Variants in KCNAB2 observed in about 807,000 individuals in gnomAD.
KCNAB2 encodes voltage-gated potassium channel subunit beta-2.
In KCNAB2, 29 loss-of-function variants were observed where a neutral mutation model predicts 63.6. The observed-to-expected ratio is 0.46, with a 90% CI of 0.34 to 0.62. KCNAB2 has a LOEUF of 0.62. KCNAB2 is among the 20% of genes least tolerant of loss of function. The pLI, the probability that KCNAB2 is intolerant of heterozygous loss-of-function variation, is 0.01. For synonymous variants in KCNAB2, 222 were observed against 224.2 expected, an observed-to-expected ratio of 0.99 and a Z score of 0.09; for missense variants, 359 against 563.9, an observed-to-expected ratio of 0.64 and a Z score of 3.68.
In KCNAB2 at chr1:6,057,883, G is replaced by T. The variant is rs116569238; in HGVS notation, c.218+6129G>T. On this transcript the variant is annotated intron_variant, in intron 2 of 15. Transcript: ENST00000378083. ...ACACCAGTCATGGCCAGGCACAGTGGCTCATGCTTATAATCCCAGCATCTT... is the reference window on the plus strand; with the variant it reads ...ACACCAGTCATGGCCAGGCACAGTGTCTCATGCTTATAATCCCAGCATCTT... Among the ~76,000 whole-genome samples the T allele has an allele frequency of 2.1e-3, 325 of 152,276 alleles. 2 individuals carry two copies. Among genetic ancestry groups the T allele is most frequent in the African/African-American group, 7.3e-3 (305 of 41,540 alleles).
intron 1 of KCNAB2, among the ~76,000 whole-genome samples, chr1:6,013,818 C>A (rs1004354863): frequency 1.3e-5 from 2 of 152,160 alleles, no homozygotes; most frequent in South Asian, 2.1e-4. Context: ...CTGCCCGGGC[C>A]CCCCCAGCAG....
At chr1:5,992,772 G>C (rs1044338367) in exon 1 of KCNAB2, 1 of 152,170 alleles carries the variant, frequency 6.6e-6, no homozygotes, top group African/African-American at 2.4e-5. Flanking sequence ...CACAGGATCC[G>C]GAGCTGGAGC....
intron 1 of KCNAB2, among the ~76,000 whole-genome samples, chr1:6,047,801 C>A (rs1336491829): frequency 6.6e-6 from 1 of 152,208 alleles, no homozygotes; most frequent in Non-Finnish European, 1.5e-5. Context: ...GCCATGGGCT[C>A]CTCATGGCAC....
At position 6,009,876 on chromosome 1, in the gene KCNAB2, T is replaced by C. The variant is rs571291542; in HGVS notation, c.-53+17088T>C. Among the ~76,000 whole-genome samples, 796 of 149,212 alleles carry C rather than the reference T, an allele frequency of 5.3e-3. 7 individuals carry two copies. Among genetic ancestry groups the C allele is most frequent in the African/African-American group, 0.018 (724 of 41,134 alleles). On this transcript the variant is annotated intron_variant, in intron 1 of 16. Transcript: ENST00000341524. Reference sequence around the variant, plus strand: ...GTGCTATTTCTTTTCTTTTTTTCTTTTTTTTTTTTTTTCCGACAGGGTCTC... The same window carrying C: ...GTGCTATTTCTTTTCTTTTTTTCTTCTTTTTTTTTTTTCCGACAGGGTCTC...
intron 11 of KCNAB2, among the ~76,000 whole-genome samples, chr1:6,094,926 C>T (rs1419591610): frequency 6.6e-6 from 1 of 152,246 alleles, no homozygotes; most frequent in Non-Finnish European, 1.5e-5. Flanking sequence ...TCCACAGGGA[C>T]CCTCTCACAT....
Position 6,087,335 on chromosome 1 carries a change from C to A in KCNAB2, c.426-132C>A. On this transcript the variant is annotated intron_variant, in intron 6 of 15. Coordinates refer to ENST00000378083, the MANE Select transcript of KCNAB2 (RefSeq NM_001199862.2). The surrounding 1 kb of genome is among the most constrained non-coding windows in gnomAD (Gnocchi z 6.4). Reference sequence around the variant, plus strand: ...ACACATCATATGATGGAGAAGTGCCCATTTCATGCCCCAGGCTCCTGGGTG... The same window carrying A: ...ACACATCATATGATGGAGAAGTGCCAATTTCATGCCCCAGGCTCCTGGGTG... 1.1e-6 allele frequency: 1 copy of A among 945,246 alleles called. No individual in the cohort carries two copies. The highest frequency in any genetic ancestry group is 1.7e-6 in the Non-Finnish European group (1 of 581,678). 58.6% of individuals were successfully genotyped at this position (945,246 alleles called of 1,614,324 possible).
intron 5 of KCNAB2, among the ~76,000 whole-genome samples, chr1:6,084,947 C>T (rs1296328400): frequency 2.0e-5 from 3 of 152,204 alleles, no homozygotes; most frequent in Non-Finnish European, 2.9e-5. Flanking sequence ...GAGCTGGGGC[C>T]GCCACTGCTT....
chr1:6,026,827 G>A (rs1272672683), intron 1 of KCNAB2, among the ~76,000 whole-genome samples: 1 of 152,218 alleles, frequency 6.6e-6, no homozygotes, highest in Non-Finnish European at 1.5e-5. Context: ...CCCTCTGCAG[G>A]GGGCAGGGCT....
chr1:6,068,651 C>T (rs775717922), intron 2 of KCNAB2, among the ~76,000 whole-genome samples: 4 of 152,198 alleles, frequency 2.6e-5, no homozygotes, highest in African/African-American at 7.2e-5. Flanking sequence ...ACCCCCGCCC[C>T]GGGCCTCTCC....
At position 6,070,141 on chromosome 1, in the gene KCNAB2, T is replaced by C. The variant is rs1410674485; in HGVS notation, c.219-2614T>C. Reference sequence around the variant, plus strand: ...GGCCTCCCTTCTCGATGCCCAGACATATCTAGACCAGTGGGGTCCAGGGCT... The same window carrying C: ...GGCCTCCCTTCTCGATGCCCAGACACATCTAGACCAGTGGGGTCCAGGGCT... On this transcript the variant is annotated intron_variant, in intron 2 of 15. Transcript: ENST00000378083. 1.4e-4 allele frequency among the ~76,000 whole-genome samples: 21 copies of C among 152,156 alleles called. 1 individual carries two copies. The highest frequency in any genetic ancestry group is 1.4e-3 in the Admixed American group (21 of 15,278).
At position 6,097,372 on chromosome 1, in the gene KCNAB2, C is replaced by G. The variant is rs1020274564; in HGVS notation, c.1158+15C>G. On this transcript the variant is annotated intron_variant, in intron 15 of 15. Transcript: ENST00000378083. ...GGGCAATACAGGTAAGAGTGAGAGG[C>G]CCTGCTGGGCAGAGGGCCCATCCCA... 2.6e-6 allele frequency: 4 copies of G among 1,550,736 alleles called. No homozygotes were observed. The highest frequency in any genetic ancestry group is 3.5e-6 in the Non-Finnish European group (4 of 1,147,132).
chr1:6,053,907 G>C (rs1661590997), intron 2 of KCNAB2, among the ~76,000 whole-genome samples: 1 of 151,974 alleles, frequency 6.6e-6, no homozygotes, highest in Non-Finnish European at 1.5e-5. Context: ...GCCAGGCATG[G>C]TGACACATGC....
intron 1 of KCNAB2, among the ~76,000 whole-genome samples, chr1:6,015,016 CTTTTTTTTT>C (rs34742623): frequency 0.064 from 5,303 of 82,864 alleles, 117 homozygotes; most frequent in South Asian, 0.16. Flanking sequence ...GGTCACCTTC[CTTTTTTTTT>C]TTTTTTTTTT....
rs1660917047 is a variant in KCNAB2 at position 6,046,284 on chromosome 1, G to C, written c.-27+101G>C. On this transcript the variant is annotated intron_variant, in intron 1 of 15. Coordinates refer to ENST00000378083, the MANE Select transcript of KCNAB2 (RefSeq NM_001199862.2). The stretch of plus-strand genomic sequence containing the variant: ...AACAGAGGAGACCATATTTTGGGGT[G>C]GTTTTGTCTGATCCGGAATTAGACC... The C allele has an allele frequency of 3.6e-6, 3 of 833,976 alleles. No homozygotes were observed. The South Asian group carries it at 1.6e-4, about 46-fold the overall frequency. 51.7% of individuals were successfully genotyped at this position (833,976 alleles called of 1,614,324 possible).
At chr1:6,027,153 C>T (rs1490742470) in intron 1 of KCNAB2, 1 of 152,988 alleles carries the variant, frequency 6.5e-6, no homozygotes, top group African/African-American at 2.4e-5. Flanking sequence ...TCCATTTCCC[C>T]TGGGCAGGAT....
intron 10 of KCNAB2, among the ~76,000 whole-genome samples, chr1:6,093,286 C>T (rs1248353151): frequency 1.3e-5 from 2 of 152,238 alleles, no homozygotes; most frequent in South Asian, 2.1e-4. Flanking sequence ...CTGCCTTTGG[C>T]GGTCGAACTT....
rs1199949241 is a variant in KCNAB2 at position 6,074,519 on chromosome 1, T to C, written c.300+749T>C. 6.6e-6 allele frequency among the ~76,000 whole-genome samples: 1 copy of C among 152,244 alleles called. No homozygotes were observed. ...GAAGCAGTTTTCACATTTATCCTAC[T>C]TAGCACTAGAAAGGTTGCGTTTAAA... On this transcript the variant is annotated intron_variant, in intron 4 of 15. Transcript: ENST00000378083. The surrounding 1 kb of genome is among the most constrained non-coding windows in gnomAD (Gnocchi z 4.9).
rs1197980079 is a variant in KCNAB2 at position 6,100,033 on chromosome 1, CTGTGTCTCCTG to C, written c.*1460_*1470del. On this transcript the variant is annotated 3_prime_UTR_variant, in exon 16 of 16. Transcript: ENST00000378083. ...TCGCCAGCTAGCTCCATAGGGAAGC[CTGTGTCTCCTG>C]CCCCCAGGGCGCACCCTCAGTGCAG... is the stretch of plus-strand genomic sequence containing the variant. 1 of 1,519,286 alleles carries C rather than the reference CTGTGTCTCCTG, an allele frequency of 6.6e-7. No individual in the cohort carries two copies. The highest frequency in any genetic ancestry group is 8.8e-7 in the Non-Finnish European group (1 of 1,131,324). 94.1% of individuals were successfully genotyped at this position (1,519,286 alleles called of 1,614,324 possible).
At chr1:5,999,774 C>T (rs1657132611) in intron 1 of KCNAB2, among the ~76,000 whole-genome samples, 1 of 152,104 alleles carries the variant, frequency 6.6e-6, no homozygotes. Flanking sequence ...CTGTCACCTG[C>T]CTGTGCCCTG....
Sources: allele counts gnomAD v4.1 joint callset (sites outside exome capture counted in the v4.1 genomes callset), GRCh38; gene constraint gnomAD v4.1.1; non-coding constraint Gnocchi (gnomAD v3.1); transcripts MANE v1.5; gene names NCBI Gene and HGNC (gene_info 2026-07-23, HGNC 2026-07-21).